Variants in DNAH12 observed in about 807,000 individuals in gnomAD.
DNAH12 encodes dynein axonemal heavy chain 12, also known as axonemal beta dynein heavy chain 12.
In DNAH12, 285 loss-of-function variants were observed where a neutral mutation model predicts 371.5. The observed-to-expected ratio is 0.77, with a 90% CI of 0.70 to 0.85. DNAH12 has a LOEUF of 0.85. DNAH12 is among the 40% of genes least tolerant of loss of function. The pLI, the probability that DNAH12 is intolerant of heterozygous loss-of-function variation, is 0.00. For synonymous variants in DNAH12, 1,200 were observed against 1,213.0 expected (o/e 0.99, Z 0.22); for missense variants, 3,611 against 3,689.4 (o/e 0.98, Z 0.55).
At chr3:57,318,324 T>G (rs1038941057) in intron 65 of DNAH12, among the ~76,000 whole-genome samples, 4 of 152,192 alleles carry the variant, frequency 2.6e-5, no homozygotes, top group Admixed American at 6.5e-5. Flanking sequence ...CATTTTGAGT[T>G]GATTTTTATG....
rs1243437735 is a variant in DNAH12 at position 57,415,495 on chromosome 3, G to A, written c.5784C>T (p.His1928=). ...AAGGAAAGTACTGGTCCTTTTCCAA[G>A]TGATTCATTAGCTTATCCTTCACAT... ...SVYVKDKLMN[H]LEKDQYFPFY... The change falls in exon 38 of 74, where the codon CAC becomes CAT. Residue 1928 remains histidine (H), a synonymous_variant. Coordinates refer to ENST00000495027, the MANE Select transcript of DNAH12 (RefSeq NM_001366028.2). The A allele has an allele frequency of 1.0e-5, 16 of 1,551,078 alleles. No homozygotes were observed. Among genetic ancestry groups the A allele is most frequent in the Middle Eastern group, 1.7e-4 (1 of 6,004 alleles).
rs907130068 is a variant in DNAH12, at chr3:57,373,112, A to G, written c.8759+2259T>C. Among the ~76,000 whole-genome samples the G allele has an allele frequency of 7.8e-4, 119 of 152,270 alleles. 3 individuals carry two copies. The South Asian group carries it at 0.023, about 30-fold the overall frequency. Reference sequence around the variant, plus strand: ...CACGAGAGTCCTAACTGTAAAAAGTACACTGCTTTTCCAGGTCATGACTCT... The same window carrying G: ...CACGAGAGTCCTAACTGTAAAAAGTGCACTGCTTTTCCAGGTCATGACTCT... On this transcript the variant is annotated intron_variant, in intron 55 of 73. Coordinates refer to ENST00000495027, the MANE Select transcript of DNAH12 (RefSeq NM_001366028.2).
chr3:57,415,568 A>G lies in DNAH12; in HGVS notation c.5715-4T>C. On this transcript the variant is annotated splice_region_variant and splice_polypyrimidine_tract_variant and intron_variant, in intron 37 of 73. Transcript: ENST00000495027. ...TGGACCCACAAAAAGGAGTGGCCTT[A>G]ATGAAAACAATGAATATATTATTCA... is the stretch of plus-strand genomic sequence containing the variant. 6.6e-7 allele frequency: 1 copy of G among 1,526,328 alleles called. No homozygotes were observed. Among genetic ancestry groups the G allele is most frequent in the Non-Finnish European group, 8.8e-7 (1 of 1,141,312 alleles). The allele number at this position is 1,526,328 out of a possible 1,614,324, so 94.5% of individuals were successfully genotyped here.
upstream of DNAH12, among the ~76,000 whole-genome samples, chr3:57,546,802 G>C (rs1247731827): frequency 6.6e-6 from 1 of 152,082 alleles, no homozygotes; most frequent in Non-Finnish European, 1.5e-5. Flanking sequence ...AATTGACATT[G>C]ATCTAAGAAG....
intron 66 of DNAH12, 137 bp from the exon 67 acceptor site, chr3:57,311,087 G>A: frequency 1.5e-6 from 1 of 683,166 alleles, no homozygotes; most frequent in East Asian, 2.8e-5. Context: ...GAGATTGTTA[G>A]TTTTTTTTTG....
chr3:57,393,701 T>C (rs932443234), intron 44 of DNAH12, among the ~76,000 whole-genome samples: 18 of 146,462 alleles, frequency 1.2e-4, no homozygotes, highest in African/African-American at 3.9e-4. Flanking sequence ...AAGTAGGTGA[T>C]AGTAGCAGAC....
rs897836898 is a variant in DNAH12, at chr3:57,357,337, T to A, written c.9372A>T (p.Lys3124Asn). The change falls in exon 59 of 74, where the codon AAA (lysine) becomes AAT (asparagine). Residue 3124 changes from lysine (K) to asparagine (N), a missense_variant. Physicochemically the swap from Lys to Asn is moderately conservative, Grantham distance 94. Around this residue, in one of 3 missense-constraint regions of DNAH12, gnomAD observed 2,266 missense variants for 2,236.9 expected, o/e 1.01. Transcript: ENST00000495027. ...EITKKQQIAEKTELKIAESRE... is the reference protein window; with the variant it reads ...EITKKQQIAENTELKIAESRE... Reference sequence around the variant, plus strand: ...GAGACTCTGCTATTTTGAGTTCTGTTTTTTCTGCAATCTAGGAGAACAGAA... The same window carrying A: ...GAGACTCTGCTATTTTGAGTTCTGTATTTTCTGCAATCTAGGAGAACAGAA... The A allele has an allele frequency of 6.6e-6, 1 of 152,108 alleles. No homozygotes were observed. Among genetic ancestry groups the A allele is most frequent in the Non-Finnish European group, 1.5e-5 (1 of 68,016 alleles). 9.4% of individuals were successfully genotyped at this position (152,108 alleles called of 1,614,324 possible).
intron 43 of DNAH12, among the ~76,000 whole-genome samples, chr3:57,401,745 C>CA (rs1201118909): frequency 2.4e-4 from 36 of 147,336 alleles, no homozygotes; most frequent in East Asian, 5.9e-4. Flanking sequence ...AAGATCAATA[C>CA]AAAAAAAAAG....
Position 57,322,993 on chromosome 3 carries a change from G to T in DNAH12, c.10383+14C>A. 1 of 1,550,718 alleles carries T rather than the reference G, an allele frequency of 6.4e-7. No individual in the cohort carries two copies. The highest frequency in any genetic ancestry group is 1.2e-5 in the South Asian group (1 of 83,858). Reference sequence around the variant, plus strand: ...TAAGTAAATGTACTTAACTCTATAAGGAAATAAACATACTTTTGAAGATGG... The same window carrying T: ...TAAGTAAATGTACTTAACTCTATAATGAAATAAACATACTTTTGAAGATGG... On this transcript the variant is annotated intron_variant, in intron 64 of 73. Coordinates refer to ENST00000495027, the MANE Select transcript of DNAH12 (RefSeq NM_001366028.2).
chr3:57,474,962 G>A (rs1272060139), intron 13 of DNAH12, among the ~76,000 whole-genome samples: 2 of 120,050 alleles, frequency 1.7e-5, no homozygotes, highest in Admixed American at 8.5e-5. Flanking sequence ...GCGACAGAGC[G>A]AGACTCTTTC....
At chr3:57,336,531 G>T (rs2062226112) in intron 60 of DNAH12, among the ~76,000 whole-genome samples, 1 of 152,058 alleles carries the variant, frequency 6.6e-6, no homozygotes, top group Non-Finnish European at 1.5e-5. Flanking sequence ...TTTTCCAGAT[G>T]TATAGATATT....
chr3:57,504,394 C>T (rs1030978284), intron 8 of DNAH12, among the ~76,000 whole-genome samples, 190 bp from the exon 9 acceptor site: 1 of 151,894 alleles, frequency 6.6e-6, no homozygotes, highest in African/African-American at 2.4e-5. Flanking sequence ...CATGCACACA[C>T]ACACACACAC....
intron 69 of DNAH12, among the ~76,000 whole-genome samples, chr3:57,307,897 G>C (rs1479913541): frequency 6.6e-6 from 1 of 152,160 alleles, no homozygotes; most frequent in Non-Finnish European, 1.5e-5. Context: ...CCACACACCA[G>C]CAAAGGCAGG....
At chr3:57,339,580 A>G (rs2062342113) in intron 60 of DNAH12, among the ~76,000 whole-genome samples, 1 of 152,108 alleles carries the variant, frequency 6.6e-6, no homozygotes, top group Non-Finnish European at 1.5e-5. Flanking sequence ...AAATAGCTAG[A>G]AAAGAGGATT....
At chr3:57,536,635 A>G (rs1216067877) in intron 2 of DNAH12, among the ~76,000 whole-genome samples, 3 of 152,094 alleles carry the variant, frequency 2.0e-5, no homozygotes, top group Non-Finnish European at 4.4e-5. Flanking sequence ...CCCTTCATCC[A>G]TCATTTCTCC....
At position 57,457,793 on chromosome 3, in the gene DNAH12, C is replaced by T. The variant is rs562306782; in HGVS notation, c.3264G>A (p.Val1088=). The change falls in exon 22 of 74, where the codon GTG becomes GTA. Residue 1088 remains valine (V), a synonymous_variant. Coordinates refer to ENST00000495027, the MANE Select transcript of DNAH12 (RefSeq NM_001366028.2). ...LISTSAARGA[V]EKWLIQVEDL... ...CTTCCACTTGAATGAGCCACTTTTC[C>T]ACAGCACCCCGCGCTGCAGACGTGG... The T allele has an allele frequency of 1.3e-6, 2 of 1,551,544 alleles. No individual in the cohort carries two copies. The highest frequency in any genetic ancestry group is 2.7e-5 in the African/African-American group (2 of 73,138).
intron 25 of DNAH12, among the ~76,000 whole-genome samples, chr3:57,448,366 G>C (rs1400639415): frequency 6.6e-6 from 1 of 152,006 alleles, no homozygotes; most frequent in African/African-American, 2.4e-5. Flanking sequence ...CTCCTGGTGG[G>C]CTCGTGCTCT....
chr3:57,489,461 ACTTCTTTTAG>A lies in DNAH12; in HGVS notation c.1514+38_1514+47del, dbSNP rs1400273196. The A allele has an allele frequency of 4.9e-6, 7 of 1,441,838 alleles. No individual in the cohort carries two copies. The South Asian group carries it at 1.0e-4, about 22-fold the overall frequency. The allele number at this position is 1,441,838 out of a possible 1,614,324, so 89.3% of individuals were successfully genotyped here. On this transcript the variant is annotated intron_variant, in intron 12 of 73. Transcript: ENST00000495027. ...TAAACAAGAGTTACTTTAGCAAAAT[ACTTCTTTTAG>A]CCATATAATTCTGAGCTTGGGAATT...
intron 42 of DNAH12, 79 bp from the exon 43 acceptor site, chr3:57,403,580 T>C (rs1196031208): frequency 7.6e-7 from 1 of 1,317,970 alleles, no homozygotes; most frequent in Non-Finnish European, 1.0e-6. Flanking sequence ...TTGTTTCACT[T>C]TCCTAGAAGA....
Sources: allele counts gnomAD v4.1 joint callset (sites outside exome capture counted in the v4.1 genomes callset), GRCh38; gene constraint gnomAD v4.1.1; regional missense constraint gnomAD v4.1.1; transcripts MANE v1.5; gene names NCBI Gene and HGNC (gene_info 2026-07-23, HGNC 2026-07-21).